Variants in STX8 observed in about 807,000 individuals in gnomAD.
STX8 encodes syntaxin 8.
Under a neutral mutation model 37.5 loss-of-function variants are expected in STX8, and 23 were observed. The observed-to-expected ratio is 0.61, with a 90% confidence interval of 0.44 to 0.87. The LOEUF (loss-of-function observed/expected upper bound fraction) is 0.87, where lower values mean the gene tolerates loss of function less well. Ranked by LOEUF, STX8 falls within the 40% of genes least tolerant of loss-of-function variation. The pLI is 0.00. For missense variants in STX8, 313 were observed against 284.7 expected, an observed-to-expected ratio of 1.10 and a Z score of -0.71; for synonymous variants, 115 against 99.1, an observed-to-expected ratio of 1.16 and a Z score of -0.95.
chr17:9,334,586 C>T (rs992484884), intron 7 of STX8, among the ~76,000 whole-genome samples: 3 of 151,624 alleles, frequency 2.0e-5, no homozygotes, highest in African/African-American at 7.3e-5. Context: ...AAGTAAGTCT[C>T]GAAGTATGCA....
chr17:9,550,246 GCA>G (rs1478209859), intron 3 of STX8, among the ~76,000 whole-genome samples: 2 of 145,648 alleles, frequency 1.4e-5, no homozygotes, highest in Non-Finnish European at 3.0e-5. Flanking sequence ...AAGTAGTACA[GCA>G]CACAGTCAGT....
At chr17:9,566,523 A>G (rs1907467506) in intron 2 of STX8, among the ~76,000 whole-genome samples, 1 of 152,104 alleles carries the variant, frequency 6.6e-6, no homozygotes, top group African/African-American at 2.4e-5. Context: ...GGGGTGGCTC[A>G]CACCTGTAAT....
At chr17:9,327,849 C>T (rs1390434894) in intron 7 of STX8, among the ~76,000 whole-genome samples, 1 of 151,704 alleles carries the variant, frequency 6.6e-6, no homozygotes, top group Non-Finnish European at 1.5e-5. Flanking sequence ...TAATTTTTCT[C>T]CTTCCTTCCT....
intron 7 of STX8, among the ~76,000 whole-genome samples, chr17:9,309,559 T>C (rs2142188984): frequency 6.6e-6 from 1 of 152,314 alleles, no homozygotes; most frequent in African/African-American, 2.4e-5. Flanking sequence ...CCTAAATCCC[T>C]GGCCCCTGAT....
At chr17:9,462,018 T>C (rs2142421741) in intron 6 of STX8, among the ~76,000 whole-genome samples, 1 of 152,150 alleles carries the variant, frequency 6.6e-6, no homozygotes, top group South Asian at 2.1e-4. Context: ...ATGCAAGCAA[T>C]GGGGAGGGGC....
intron 6 of STX8, among the ~76,000 whole-genome samples, chr17:9,396,467 G>A (rs1351082571): frequency 3.3e-5 from 5 of 151,828 alleles, no homozygotes; most frequent in Non-Finnish European, 2.9e-5. Flanking sequence ...CGGGTCATCT[G>A]AGGTCAGCTG....
At chr17:9,568,346 G>A (rs1473189870) in intron 2 of STX8, 25 bp downstream of exon 2, 1 of 1,567,662 alleles carries the variant, frequency 6.4e-7, no homozygotes, top group Non-Finnish European at 8.7e-7. Flanking sequence ...CAAATCATTG[G>A]GTACTAATTC....
chr17:9,296,770 T>C (rs1908567936), intron 7 of STX8, among the ~76,000 whole-genome samples: 1 of 152,154 alleles, frequency 6.6e-6, no homozygotes, highest in Admixed American at 6.6e-5. Flanking sequence ...ATTTTAATTA[T>C]ACTTAAATGT....
chr17:9,395,687 C>T (rs886876060), intron 6 of STX8, among the ~76,000 whole-genome samples: 2 of 152,282 alleles, frequency 1.3e-5, no homozygotes, highest in East Asian at 1.9e-4. Context: ...ATCCTTTATA[C>T]GGTGCCTAGT....
intron 7 of STX8, among the ~76,000 whole-genome samples, chr17:9,323,568 G>T (rs11871235): frequency 6.0e-5 from 9 of 151,002 alleles, no homozygotes; most frequent in African/African-American, 2.2e-4. Flanking sequence ...AAGAACGGTG[G>T]GATCACGGTG....
intron 5 of STX8, among the ~76,000 whole-genome samples, chr17:9,499,674 C>A (rs939752942): frequency 1.3e-5 from 2 of 152,060 alleles, no homozygotes; most frequent in African/African-American, 4.8e-5. Flanking sequence ...CTGGGATTAC[C>A]GGCGTGAGCC....
intron 6 of STX8, among the ~76,000 whole-genome samples, chr17:9,399,048 CAAAA>C (rs376011880): frequency 5.8e-5 from 5 of 85,612 alleles, no homozygotes; most frequent in Non-Finnish European, 5.2e-5. Context: ...GACTCCAGCT[CAAAA>C]AAAAAAAAAA....
At chr17:9,255,201 G>GA in intron 7 of STX8, among the ~76,000 whole-genome samples, 1 of 152,230 alleles carries the variant, frequency 6.6e-6, no homozygotes, top group East Asian at 1.9e-4. Flanking sequence ...TGTGCCCCAG[G>GA]AAAGGCATGA....
chr17:9,414,043 TGCCCGTCCGTCTGTCC>T (rs1363938921), intron 6 of STX8, among the ~76,000 whole-genome samples: 11 of 116,108 alleles, frequency 9.5e-5, no homozygotes, highest in Admixed American at 1.7e-4. Flanking sequence ...ACCATCTATC[TGCCCGTCCGTCTGTCC>T]ATCCATCCAT....
At chr17:9,513,442 T>C (rs376336901) in intron 4 of STX8, among the ~76,000 whole-genome samples, 4 of 151,878 alleles carry the variant, frequency 2.6e-5, no homozygotes, top group African/African-American at 9.7e-5. Context: ...GCATTACTAA[T>C]CGTCAGGGAA....
At chr17:9,395,988 C>T (rs895516223) in intron 6 of STX8, among the ~76,000 whole-genome samples, 2 of 152,176 alleles carry the variant, frequency 1.3e-5, no homozygotes, top group African/African-American at 4.8e-5. Context: ...CCTACAATAG[C>T]TGCAATAAAT....
chr17:9,317,173 TGAAAAA>T (rs1567781129), intron 7 of STX8, among the ~76,000 whole-genome samples: 1 of 151,888 alleles, frequency 6.6e-6, no homozygotes, highest in African/African-American at 2.4e-5. Context: ...TGAAGAGAAC[TGAAAAA>T]GAACCAGTGG....
intron 7 of STX8, among the ~76,000 whole-genome samples, chr17:9,260,519 G>A (rs1291669877): frequency 1.3e-5 from 2 of 152,146 alleles, no homozygotes; most frequent in Non-Finnish European, 2.9e-5. Flanking sequence ...ACCTACTCAG[G>A]AGGCTGAGGC....
intron 6 of STX8, among the ~76,000 whole-genome samples, chr17:9,388,000 C>T (rs560102627): frequency 9.2e-5 from 14 of 151,756 alleles, no homozygotes; most frequent in South Asian, 6.3e-4. Context: ...TAATCTAGAC[C>T]GAAAACGAAG....
Sources: allele counts gnomAD v4.1 joint callset (sites outside exome capture counted in the v4.1 genomes callset), GRCh38; gene constraint gnomAD v4.1.1; transcripts MANE v1.5; gene names NCBI Gene and HGNC (gene_info 2026-07-23, HGNC 2026-07-21).